The following SGCZ variants were observed in gnomAD, a reference collection of about 807,000 sequenced individuals.
SGCZ encodes the protein sarcoglycan zeta.
SGCZ carries 40 observed loss-of-function variants against 41.3 expected under a neutral mutation model. The ratio of observed to expected loss-of-function variants is 0.97; its 90% CI spans 0.75 to 1.26. The LOEUF (loss-of-function observed/expected upper bound fraction) is 1.26. Ranked by LOEUF, SGCZ falls within the 50% of genes most tolerant of loss-of-function variation. The pLI is 0.00. For synonymous variants in SGCZ, 206 were observed against 137.5 expected, an observed-to-expected ratio of 1.50 and a Z score of -3.49; for missense variants, 552 against 369.8, an observed-to-expected ratio of 1.49 and a Z score of -4.04.
intron 4 of SGCZ, among the ~76,000 whole-genome samples, chr8:14,232,101 T>C (rs1010842419): frequency 4.6e-5 from 7 of 150,776 alleles, no homozygotes; most frequent in South Asian, 4.2e-4. Flanking sequence ...AGAATCCTAA[T>C]GACCAATTTT....
intron 1 of SGCZ, among the ~76,000 whole-genome samples, chr8:14,715,456 G>A (rs1470398203): frequency 2.6e-5 from 4 of 151,866 alleles, no homozygotes; most frequent in Non-Finnish European, 5.9e-5. Flanking sequence ...ATGGCATAAA[G>A]GTTGCATGTA....
chr8:14,473,814 C>A (rs549062781), intron 2 of SGCZ, among the ~76,000 whole-genome samples: 4 of 151,120 alleles, frequency 2.6e-5, no homozygotes, highest in Admixed American at 6.6e-5. Context: ...GGCGGGCACG[C>A]GTAGTCCCAG....
intron 2 of SGCZ, among the ~76,000 whole-genome samples, chr8:14,548,728 T>C (rs904836398): frequency 6.6e-6 from 1 of 152,176 alleles, no homozygotes; most frequent in Non-Finnish European, 1.5e-5. Flanking sequence ...TTGTTTGGTG[T>C]ATGTGCCTGT....
chr8:14,551,516 T>TATATAATA (rs1554537371), intron 2 of SGCZ, among the ~76,000 whole-genome samples: 11 of 10,184 alleles, frequency 1.1e-3, no homozygotes, highest in African/African-American at 4.3e-3. Flanking sequence ...ATTATATATA[T>TATATAATA]TATATATAAT....
chr8:14,524,722 T>G (rs1165237842), intron 2 of SGCZ, among the ~76,000 whole-genome samples: 1 of 152,118 alleles, frequency 6.6e-6, no homozygotes, highest in African/African-American at 2.4e-5. Context: ...CTGCACGGTT[T>G]TTAATCGTAC....
intron 2 of SGCZ, among the ~76,000 whole-genome samples, chr8:14,425,576 G>A (rs1196402685): frequency 2.6e-5 from 4 of 151,786 alleles, no homozygotes; most frequent in Non-Finnish European, 5.9e-5. Context: ...AGCCAAGATC[G>A]CGCCACTGCT....
chr8:15,178,279 T>G (rs978974918), intron 1 of SGCZ, among the ~76,000 whole-genome samples: 1 of 152,188 alleles, frequency 6.6e-6, no homozygotes, highest in African/African-American at 2.4e-5. Flanking sequence ...CATTACATTT[T>G]TCTATAAATT....
intron 1 of SGCZ, among the ~76,000 whole-genome samples, chr8:14,757,794 A>G (rs1156503296): frequency 6.6e-6 from 1 of 152,206 alleles, no homozygotes; most frequent in Non-Finnish European, 1.5e-5. Context: ...TGATTTTACT[A>G]TCATTTTACG....
intron 1 of SGCZ, among the ~76,000 whole-genome samples, chr8:15,127,779 T>C (rs1003473085): frequency 3.9e-5 from 6 of 152,194 alleles, no homozygotes; most frequent in Admixed American, 1.3e-4. Context: ...TCAACATTAA[T>C]GTTATCAACA....
intron 1 of SGCZ, among the ~76,000 whole-genome samples, chr8:14,758,984 G>C (rs1308107761): frequency 4.1e-5 from 6 of 148,058 alleles, no homozygotes; most frequent in Non-Finnish European, 7.4e-5. Flanking sequence ...CTCCAGCCTG[G>C]GCAACAGGAG....
intron 1 of SGCZ, among the ~76,000 whole-genome samples, chr8:14,623,262 T>C (rs923436573): frequency 1.3e-5 from 2 of 152,156 alleles, no homozygotes; most frequent in African/African-American, 2.4e-5. Flanking sequence ...ACAAATTAAG[T>C]AGCAGGAAAG....
rs533457757 is a variant in SGCZ, at chr8:14,817,782, A to G, written c.40-262856T>C. On this transcript the variant is annotated intron_variant, in intron 1 of 7. Coordinates refer to ENST00000382080, the MANE Select transcript of SGCZ (RefSeq NM_139167.4). ...GTGCGCTCATTGTTGTGCACAGCCCATGTACAACCTGGCAAACCAGCACAC... is the reference window on the plus strand; with the variant it reads ...GTGCGCTCATTGTTGTGCACAGCCCGTGTACAACCTGGCAAACCAGCACAC... Among the ~76,000 whole-genome samples the G allele has an allele frequency of 4.6e-5, 7 of 152,256 alleles. No individual in the cohort carries two copies. In the South Asian group the frequency reaches 8.3e-4, roughly 18 times the overall value.
At chr8:14,254,196 T>C (rs1449423393) in intron 3 of SGCZ, among the ~76,000 whole-genome samples, 2 of 152,272 alleles carry the variant, frequency 1.3e-5, no homozygotes, top group East Asian at 1.9e-4. Flanking sequence ...CCCTGGATTT[T>C]GAGTTTACCG....
chr8:14,091,091 GTTTTC>G (rs1041767202), intron 7 of SGCZ, among the ~76,000 whole-genome samples: 3 of 151,822 alleles, frequency 2.0e-5, no homozygotes, highest in Non-Finnish European at 4.4e-5. Flanking sequence ...GCAGTGTTTG[GTTTTC>G]TTTTCTTGTT....
At chr8:15,203,864 A>G (rs1800974898) in intron 1 of SGCZ, among the ~76,000 whole-genome samples, 1 of 152,232 alleles carries the variant, frequency 6.6e-6, no homozygotes, top group Admixed American at 6.5e-5. Context: ...TACACAATTT[A>G]CAAACAATTC....
chr8:14,140,333 GAGAA>G lies in SGCZ; in HGVS notation c.547+24243_547+24246del, dbSNP rs1405607506. ...AGTTCTGGCCAGGGAAATCAGGCAG[GAGAA>G]AGAAAGAAAGGGTATTCAATTAGGA... On this transcript the variant is annotated intron_variant, in intron 5 of 7. Coordinates refer to ENST00000382080, the MANE Select transcript of SGCZ (RefSeq NM_139167.4). 5.3e-5 allele frequency among the ~76,000 whole-genome samples: 8 copies of G among 152,226 alleles called. No homozygotes were observed. In the East Asian group the frequency reaches 1.2e-3, roughly 22 times the overall value.
intron 2 of SGCZ, among the ~76,000 whole-genome samples, chr8:14,393,617 G>A (rs1298549532): frequency 6.6e-6 from 1 of 152,024 alleles, no homozygotes; most frequent in South Asian, 2.1e-4. Flanking sequence ...CCTTTCCACT[G>A]AGAGACCTTT....
intron 3 of SGCZ, among the ~76,000 whole-genome samples, chr8:14,252,781 A>G (rs1218125189): frequency 6.6e-6 from 1 of 152,162 alleles, no homozygotes; most frequent in African/African-American, 2.4e-5. Flanking sequence ...CCAGAGCTTC[A>G]GCTTTCAGGC....
intron 1 of SGCZ, among the ~76,000 whole-genome samples, chr8:15,113,741 A>T (rs1181114669): frequency 1.3e-5 from 2 of 152,308 alleles, no homozygotes; most frequent in East Asian, 3.9e-4. Flanking sequence ...TCGTTGATTC[A>T]TGTCCAAACT....
Sources: allele counts gnomAD v4.1 joint callset (sites outside exome capture counted in the v4.1 genomes callset), GRCh38; gene constraint gnomAD v4.1.1; transcripts MANE v1.5; gene names NCBI Gene and HGNC (gene_info 2026-07-23, HGNC 2026-07-21).